Variants in HIPK3 observed in about 807,000 individuals in gnomAD.
The protein encoded by HIPK3 is homeodomain interacting protein kinase 3.
HIPK3 carries 47 observed loss-of-function variants against 124.2 expected under a neutral mutation model. The ratio of observed to expected loss-of-function variants is 0.38; its 90% confidence interval spans 0.30 to 0.48. The LOEUF (loss-of-function observed/expected upper bound fraction) is 0.48, where lower values mean the gene tolerates loss of function less well. Ranked by LOEUF, HIPK3 falls within the 20% of genes least tolerant of loss-of-function variation. The probability of loss-of-function intolerance (pLI) is 0.98; values close to 1 mark genes in which losing one functional copy is unlikely to be tolerated. For synonymous variants in HIPK3, 482 were observed against 515.2 expected (o/e 0.94, Z 0.87); for missense variants, 1,286 against 1,454.3 (o/e 0.88, Z 1.88).
intron 1 of HIPK3, among the ~76,000 whole-genome samples, chr11:33,264,478 AAC>A (rs35153812): frequency 0.29 from 43,352 of 151,982 alleles, 7,034 homozygotes; most frequent in Middle Eastern, 0.41. Flanking sequence ...TTGGAAAAAA[AAC>A]AGTTTAGATT....
At chr11:33,305,892 G>A (rs1273246552) in intron 2 of HIPK3, among the ~76,000 whole-genome samples, 1 of 151,764 alleles carries the variant, frequency 6.6e-6, no homozygotes, top group African/African-American at 2.4e-5. Flanking sequence ...TGTCATCCAG[G>A]CTGGAGTGTA....
At chr11:33,352,293 T>C in intron 16 of HIPK3, 28 bp downstream of exon 16, 1 of 1,606,196 alleles carries the variant, frequency 6.2e-7, no homozygotes, top group Non-Finnish European at 8.5e-7. Flanking sequence ...TATGTAGGAG[T>C]CTGTGGGATT....
chr11:33,310,269 TGTC>T (rs758031847), intron 2 of HIPK3, among the ~76,000 whole-genome samples: 159 of 66,216 alleles, frequency 2.4e-3, no homozygotes, highest in Admixed American at 4.1e-3. Context: ...TCTGTCTGTC[TGTC>T]TGTCTATCTT....
chr11:33,339,444 T>C lies in HIPK3; in HGVS notation c.1523T>C (p.Ile508Thr). 2 of 1,613,300 alleles carry C rather than the reference T, an allele frequency of 1.2e-6. No individual in the cohort carries two copies. The highest frequency in any genetic ancestry group is 1.7e-6 in the Non-Finnish European group (2 of 1,179,310). Residue 508 changes from isoleucine (I) to threonine (T), a missense_variant, in exon 6 of 17, where the codon ATT becomes ACT. Physicochemically the swap from Ile to Thr is moderately conservative, Grantham distance 89. Coordinates refer to ENST00000303296, the MANE Select transcript of HIPK3 (RefSeq NM_005734.5). ...AGTCTGTTGAAGAAAATGTTGCTGA[T>C]TGATGCAGATTTAAGAATTACTCCA... The part of the protein sequence containing the change: ...FVSLLKKMLL[I>T]DADLRITPAE...
At chr11:33,295,277 G>GCCCCCCC (rs34093915) in intron 2 of HIPK3, among the ~76,000 whole-genome samples, 1 of 106,634 alleles carries the variant, frequency 9.4e-6, no homozygotes, top group Non-Finnish European at 1.9e-5. Context: ...AGCCACCACC[G>GCCCCCCC]CCCCCCCCCC....
chr11:33,338,349 T>A (rs1853220544), intron 4 of HIPK3, among the ~76,000 whole-genome samples: 1 of 152,220 alleles, frequency 6.6e-6, no homozygotes, highest in South Asian at 2.1e-4. Context: ...TTCTCCTGCC[T>A]CAGCCTCCCA....
intron 5 of HIPK3, among the ~76,000 whole-genome samples, 155 bp downstream of exon 5, chr11:33,338,998 C>T (rs537858758): frequency 6.6e-6 from 1 of 152,328 alleles, no homozygotes; most frequent in Non-Finnish European, 1.5e-5. Context: ...TTCAACCTTT[C>T]AGGAACTAAA....
At chr11:33,261,133 T>TA (rs1565049981) in intron 1 of HIPK3, among the ~76,000 whole-genome samples, 2 of 70,200 alleles carry the variant, frequency 2.8e-5, no homozygotes, top group African/African-American at 4.4e-5. Context: ...ATATTATATA[T>TA]AAAATATAAA....
intron 2 of HIPK3, among the ~76,000 whole-genome samples, chr11:33,316,064 A>G (rs1590393673): frequency 6.6e-6 from 1 of 152,230 alleles, no homozygotes; most frequent in Non-Finnish European, 1.5e-5. Context: ...TTATAGAGTC[A>G]TAAAAACAAT....
intron 2 of HIPK3, among the ~76,000 whole-genome samples, chr11:33,313,881 G>C (rs1409948013): frequency 6.6e-6 from 1 of 151,632 alleles, no homozygotes. Context: ...TGAGAGATAG[G>C]GTCCAGGCTG....
intron 2 of HIPK3, among the ~76,000 whole-genome samples, chr11:33,293,078 T>G (rs899500544): frequency 6.6e-6 from 1 of 152,228 alleles, no homozygotes; most frequent in African/African-American, 2.4e-5. Flanking sequence ...GCTGCAAATG[T>G]GTAGTACTTT....
intron 6 of HIPK3, among the ~76,000 whole-genome samples, chr11:33,340,404 C>T (rs1202594289): frequency 1.3e-5 from 2 of 152,194 alleles, no homozygotes; most frequent in African/African-American, 2.4e-5. Flanking sequence ...GAACCTCAGA[C>T]ATATTTTGGG....
chr11:33,338,146 A>G (rs902019651), intron 4 of HIPK3, among the ~76,000 whole-genome samples: 5 of 152,230 alleles, frequency 3.3e-5, no homozygotes, highest in Admixed American at 6.5e-5. Flanking sequence ...ACAGGGAATG[A>G]ATCTAACCAC....
chr11:33,347,364 C>G lies in HIPK3; in HGVS notation c.1969C>G (p.Gln657Glu). 1 of 1,614,002 alleles carries G rather than the reference C, an allele frequency of 6.2e-7. No homozygotes were observed. Among genetic ancestry groups the G allele is most frequent in the Non-Finnish European group, 8.5e-7 (1 of 1,179,924 alleles). The change falls in exon 9 of 17, where the codon CAG (glutamine) becomes GAG (glutamate). Residue 657 changes from glutamine (Q) to glutamate (E), a missense_variant. Physicochemically the swap from Gln to Glu is conservative, Grantham distance 29 (BLOSUM62 2). Transcript: ENST00000303296. ...RVDNTVPLVT[Q>E]APAVQPLQIR... ...AGATAATACAGTTCCACTTGTAACT[C>G]AGGCCCCAGCTGTGCAGCCACTACA...
In HIPK3 at chr11:33,353,766, T is replaced by C. The variant is rs187999224; in HGVS notation, c.*198T>C. On this transcript the variant is annotated 3_prime_UTR_variant, in exon 17 of 17. Transcript: ENST00000303296. The stretch of plus-strand genomic sequence containing the variant: ...GTATAACTTGTCTTTGGTCATGTTA[T>C]CTTCTTATGTAGTAACTCTAGACAG... 5.3e-4 allele frequency: 285 copies of C among 536,846 alleles called. 4 individuals carry two copies. The highest frequency in any genetic ancestry group is 7.4e-5 in the Non-Finnish European group (22 of 298,290). The allele number at this position is 536,846 out of a possible 1,614,324, so 33.3% of individuals were successfully genotyped here. A position where few individuals can be genotyped will look rare whatever the true frequency, so the allele number is the denominator to read the frequency against.
intron 2 of HIPK3, among the ~76,000 whole-genome samples, chr11:33,311,713 GAGTTGA>G (rs2133943960): frequency 6.6e-6 from 1 of 152,014 alleles, no homozygotes; most frequent in East Asian, 1.9e-4. Context: ...TGTTTTTAAA[GAGTTGA>G]AGTCTTGGCC....
intron 1 of HIPK3, among the ~76,000 whole-genome samples, chr11:33,265,123 T>C (rs1478639550): frequency 6.6e-6 from 1 of 152,244 alleles, no homozygotes; most frequent in Non-Finnish European, 1.5e-5. Flanking sequence ...TATTACACTT[T>C]CTATTGAGTT....
chr11:33,312,159 C>T (rs1852369305), intron 2 of HIPK3, among the ~76,000 whole-genome samples: 1 of 152,218 alleles, frequency 6.6e-6, no homozygotes, highest in South Asian at 2.1e-4. Flanking sequence ...TGTCTGGCTA[C>T]ACACAGCTAT....
At chr11:33,265,328 A>G (rs542350880) in intron 1 of HIPK3, among the ~76,000 whole-genome samples, 1 of 152,344 alleles carries the variant, frequency 6.6e-6, no homozygotes, top group East Asian at 1.9e-4. Flanking sequence ...TTTTAAAGTT[A>G]GGTAAGAATA....
Sources: allele counts gnomAD v4.1 joint callset (sites outside exome capture counted in the v4.1 genomes callset), GRCh38; gene constraint gnomAD v4.1.1; transcripts MANE v1.5; gene names NCBI Gene and HGNC (gene_info 2026-07-23, HGNC 2026-07-21).